The following SENP7 variants were observed in gnomAD, a reference collection of about 807,000 sequenced individuals.
SENP7 encodes the protein sentrin-specific protease 7.
In SENP7, 64 loss-of-function variants were observed where a neutral mutation model predicts 141.2. The observed-to-expected ratio is 0.45, with a 90% confidence interval of 0.37 to 0.56. The LOEUF (loss-of-function observed/expected upper bound fraction) is 0.56, where lower values mean the gene tolerates loss of function less well. Ranked by LOEUF, SENP7 falls within the 20% of genes least tolerant of loss-of-function variation. The probability of loss-of-function intolerance (pLI) is 0.00; values close to 1 mark genes in which losing one functional copy is unlikely to be tolerated. For missense variants in SENP7, 1,025 were observed against 1,212.2 expected (o/e 0.85, Z 2.29); for synonymous variants, 382 against 426.4 (o/e 0.90, Z 1.28).
chr3:101,419,169 T>A (rs2061711475), intron 4 of SENP7, among the ~76,000 whole-genome samples: 1 of 151,974 alleles, frequency 6.6e-6, no homozygotes, highest in Non-Finnish European at 1.5e-5. Flanking sequence ...TGGAGAAAGG[T>A]CCAAAAAACA....
chr3:101,362,013 G>A, intron 10 of SENP7, 152 bp from the exon 11 acceptor site: 5 of 864,148 alleles, frequency 5.8e-6, no homozygotes, highest in Non-Finnish European at 8.0e-6. Context: ...TAGCTATCTA[G>A]ATTTTTTTTC....
chr3:101,417,390 T>G (rs1262226810), intron 5 of SENP7, among the ~76,000 whole-genome samples: 1 of 152,186 alleles, frequency 6.6e-6, no homozygotes, highest in Non-Finnish European at 1.5e-5. Context: ...TATAATTCCA[T>G]GTCAATCTGC....
intron 12 of SENP7, among the ~76,000 whole-genome samples, chr3:101,349,709 CT>C (rs1382327326): frequency 3.3e-5 from 5 of 152,090 alleles, no homozygotes; most frequent in East Asian, 1.9e-4. Context: ...AAAAGATTAT[CT>C]TTTTAAAAAA....
chr3:101,405,784 C>T (rs2061283486), intron 5 of SENP7, among the ~76,000 whole-genome samples: 1 of 152,088 alleles, frequency 6.6e-6, no homozygotes, highest in African/African-American at 2.4e-5. Context: ...ATGCAAAATG[C>T]TCTGGAAAGT....
chr3:101,492,046 C>T (rs1296919958), intron 3 of SENP7, among the ~76,000 whole-genome samples: 2 of 151,734 alleles, frequency 1.3e-5, no homozygotes, highest in African/African-American at 2.4e-5. Flanking sequence ...GAGCCGAGAT[C>T]GCGACATTGC....
intron 5 of SENP7, among the ~76,000 whole-genome samples, chr3:101,410,372 T>C (rs1436597056): frequency 5.9e-5 from 9 of 152,078 alleles, no homozygotes; most frequent in Non-Finnish European, 1.3e-4. Flanking sequence ...AGTGCGGAGA[T>C]TCCTTAAAGA....
chr3:101,337,728 C>A, intron 16 of SENP7, 97 bp from the exon 17 acceptor site: 1 of 1,091,650 alleles, frequency 9.2e-7, no homozygotes, highest in Non-Finnish European at 1.3e-6. Context: ...TATTTTTTAT[C>A]TATTTTGATT....
At chr3:101,472,616 A>G (rs890323875) in intron 3 of SENP7, among the ~76,000 whole-genome samples, 6 of 152,156 alleles carry the variant, frequency 3.9e-5, no homozygotes, top group African/African-American at 1.4e-4. Context: ...AAACCTGCAC[A>G]TTATGCACAT....
Position 101,333,603 on chromosome 3 carries a change from T to C in SENP7, c.2481-741A>G, listed in dbSNP as rs145832193. Among the ~76,000 whole-genome samples the C allele has an allele frequency of 3.8e-4, 58 of 152,314 alleles. No homozygotes were observed. In the East Asian group the frequency reaches 9.8e-3, roughly 26 times the overall value. On this transcript the variant is annotated intron_variant, in intron 17 of 23. Transcript: ENST00000394095. ...GAAAAATGAGGCTTTTATTCTCAGA[T>C]TCTTTAAAATAAAATTCATCTCCCT...
Position 101,366,530 on chromosome 3 carries a change from A to G in SENP7, c.1218T>C (p.Ser406=). 3.1e-6 allele frequency: 5 copies of G among 1,613,932 alleles called. No individual in the cohort carries two copies. The highest frequency in any genetic ancestry group is 3.4e-6 in the Non-Finnish European group (4 of 1,179,822). Residue 406 remains serine, a synonymous_variant, in exon 9 of 24, where the codon TCT becomes TCC. Transcript: ENST00000394095. The part of the protein sequence containing the change: ...NSNSIDIVGI[S]SLVEKDENEL... ...CATTCTCATCCTTCTCAACCAGGGA[A>G]GAAATCCCCACAATATCAATGGAAT...
At chr3:101,512,361 A>C (rs189747577) in intron 1 of SENP7, among the ~76,000 whole-genome samples, 3 of 152,362 alleles carry the variant, frequency 2.0e-5, no homozygotes, top group Admixed American at 2.0e-4. Context: ...ACGTTTTTAT[A>C]ACTCCACTTT....
Position 101,367,872 on chromosome 3 carries a change from A to G in SENP7, c.936T>C (p.Asp312=). 1.2e-6 allele frequency: 2 copies of G among 1,609,086 alleles called. No homozygotes were observed. Among genetic ancestry groups the G allele is most frequent in the South Asian group, 1.1e-5 (1 of 90,904 alleles). Residue 312 remains aspartate, a synonymous_variant, in exon 8 of 24, where the codon GAT becomes GAC. Coordinates refer to ENST00000394095, the MANE Select transcript of SENP7 (RefSeq NM_020654.5). ...TKRRLRNNLP[D]SQYCTSLDKS... ...TATCCAAAGAAGTACAATATTGAGA[A>G]TCAGGTAAATTATTTCTAAGCCTTC...
At chr3:101,387,574 C>T (rs1001756045) in intron 6 of SENP7, among the ~76,000 whole-genome samples, 3 of 152,162 alleles carry the variant, frequency 2.0e-5, no homozygotes, top group African/African-American at 7.2e-5. Context: ...CTGGTGTCCA[C>T]AGAGCCATCA....
intron 6 of SENP7, among the ~76,000 whole-genome samples, chr3:101,376,619 C>CA (rs2060337745): frequency 6.6e-6 from 1 of 151,430 alleles, no homozygotes; most frequent in Non-Finnish European, 1.5e-5. Context: ...GAATATCACA[C>CA]TCTGGGGACT....
chr3:101,386,120 A>G (rs2060644379), intron 6 of SENP7, among the ~76,000 whole-genome samples: 1 of 152,206 alleles, frequency 6.6e-6, no homozygotes, highest in East Asian at 1.9e-4. Context: ...TTAAGAACCA[A>G]AACAGCTGTT....
intron 4 of SENP7, among the ~76,000 whole-genome samples, chr3:101,455,623 A>T (rs1474248245): frequency 6.6e-6 from 1 of 152,170 alleles, no homozygotes; most frequent in Non-Finnish European, 1.5e-5. Context: ...TCAAGCGAGG[A>T]ATAAAGAATC....
chr3:101,445,314 T>C (rs1337061353), intron 4 of SENP7, among the ~76,000 whole-genome samples: 1 of 152,104 alleles, frequency 6.6e-6, no homozygotes, highest in Non-Finnish European at 1.5e-5. Flanking sequence ...GCTTGACTGA[T>C]GCTGTGAAAA....
At chr3:101,368,094 G>C in intron 7 of SENP7, 83 bp from the exon 8 acceptor site, 1 of 1,000,800 alleles carries the variant, frequency 1.0e-6, no homozygotes, top group Non-Finnish European at 1.5e-6. Flanking sequence ...AACATCATCA[G>C]GATTGCTATA....
chr3:101,359,483 T>C (rs2059834373), intron 11 of SENP7, among the ~76,000 whole-genome samples: 1 of 151,638 alleles, frequency 6.6e-6, no homozygotes, highest in South Asian at 2.1e-4. Flanking sequence ...GTACTTTCTT[T>C]CTTTCTCTTG....
Sources: gnomAD v4.1 joint callset for allele counts (sites outside exome capture counted in the v4.1 genomes callset) on GRCh38, gnomAD v4.1.1 for gene constraint, MANE v1.5 for transcripts, NCBI Gene and HGNC (gene_info 2026-07-23, HGNC 2026-07-21) for gene names.